TACR3: variants seen among roughly 807,000 people sequenced by gnomAD.
TACR3 encodes neuromedin-K receptor.
In TACR3, 34 loss-of-function variants were observed where a neutral mutation model predicts 35.0. The ratio of observed to expected loss-of-function variants is 0.97; its 90% CI spans 0.74 to 1.30. The LOEUF (loss-of-function observed/expected upper bound fraction) is 1.30. TACR3 is among the 50% of genes most tolerant of loss of function. TACR3 has a pLI of 0.00. For missense variants in TACR3, 558 were observed against 591.7 expected (o/e 0.94, Z 0.59); for synonymous variants, 233 against 221.1 (o/e 1.05, Z -0.48).
At chr4:103,634,633 G>A (rs974185920) in intron 3 of TACR3, among the ~76,000 whole-genome samples, 1 of 152,016 alleles carries the variant, frequency 6.6e-6, no homozygotes, top group Non-Finnish European at 1.5e-5. Flanking sequence ...CACCTTGCTG[G>A]ATTTTCCTAA....
intron 1 of TACR3, among the ~76,000 whole-genome samples, chr4:103,711,675 A>T (rs1180791997): frequency 6.6e-6 from 1 of 152,182 alleles, no homozygotes; most frequent in Non-Finnish European, 1.5e-5. Flanking sequence ...AATAAAGGGT[A>T]TTCAATTAGG....
At chr4:103,651,665 T>C (rs1725620979) in intron 3 of TACR3, among the ~76,000 whole-genome samples, 2 of 151,844 alleles carry the variant, frequency 1.3e-5, no homozygotes, top group South Asian at 4.1e-4. Flanking sequence ...AAGGTGTTTT[T>C]CCCTATAGCC....
intron 3 of TACR3, among the ~76,000 whole-genome samples, chr4:103,623,750 A>G (rs1044397625): frequency 6.6e-6 from 1 of 152,184 alleles, no homozygotes; most frequent in Non-Finnish European, 1.5e-5. Flanking sequence ...GCCTCACAGT[A>G]CTGGATTCAG....
intron 3 of TACR3, among the ~76,000 whole-genome samples, chr4:103,648,633 C>A (rs979373732): frequency 6.6e-6 from 1 of 152,080 alleles, no homozygotes; most frequent in Admixed American, 6.6e-5. Context: ...TCTTTTATGG[C>A]TGAAAAGTAC....
chr4:103,718,271 C>A (rs1371231250), intron 1 of TACR3, among the ~76,000 whole-genome samples: 1 of 152,168 alleles, frequency 6.6e-6, no homozygotes, highest in Non-Finnish European at 1.5e-5. Flanking sequence ...ATCCCCCATG[C>A]AACTGCCTTT....
chr4:103,638,435 T>C (rs1266019172), intron 3 of TACR3, among the ~76,000 whole-genome samples: 2 of 151,840 alleles, frequency 1.3e-5, no homozygotes, highest in East Asian at 3.9e-4. Flanking sequence ...ATACAAAAAT[T>C]AATTCAAGAT....
intron 1 of TACR3, among the ~76,000 whole-genome samples, chr4:103,711,611 C>T (rs1255553414): frequency 6.6e-6 from 1 of 152,144 alleles, no homozygotes; most frequent in Admixed American, 6.5e-5. Flanking sequence ...TCTCAACACT[C>T]CTATTCAACA....
chr4:103,680,210 A>G (rs975237834), intron 1 of TACR3, among the ~76,000 whole-genome samples: 14 of 151,598 alleles, frequency 9.2e-5, no homozygotes, highest in East Asian at 1.9e-4. Context: ...AAAAAAGCCC[A>G]TATGAGCTTG....
intron 1 of TACR3, among the ~76,000 whole-genome samples, chr4:103,701,223 A>G (rs1326828257): frequency 6.6e-5 from 10 of 151,712 alleles, no homozygotes; most frequent in South Asian, 2.1e-4. Context: ...AAATCAATGT[A>G]CAAAAATCAC....
intron 3 of TACR3, among the ~76,000 whole-genome samples, chr4:103,629,858 AAAC>A (rs1560814005): frequency 5.6e-4 from 65 of 115,692 alleles, no homozygotes; most frequent in Middle Eastern, 4.5e-3. Context: ...AACAAAAAAA[AAAC>A]AAAAAAAAAA....
chr4:103,632,033 C>T (rs923227311), intron 3 of TACR3, among the ~76,000 whole-genome samples: 3 of 152,084 alleles, frequency 2.0e-5, no homozygotes, highest in African/African-American at 7.2e-5. Flanking sequence ...ATGGTTATTA[C>T]ATAATGTTAT....
At chr4:103,678,492 A>G (rs1374777608) in intron 1 of TACR3, among the ~76,000 whole-genome samples, 2 of 152,140 alleles carry the variant, frequency 1.3e-5, no homozygotes, top group African/African-American at 2.4e-5. Flanking sequence ...TTTCTTTTTA[A>G]TTGTATTTTC....
In TACR3 at chr4:103,648,914, A is replaced by G. The variant is rs113224609; in HGVS notation, c.888+7280T>C. Among the ~76,000 whole-genome samples the G allele has an allele frequency of 3.3e-3, 498 of 152,188 alleles. 2 individuals carry two copies. Among genetic ancestry groups the G allele is most frequent in the Non-Finnish European group, 5.3e-3 (357 of 67,984 alleles). ...AATTTACATTCCCATCAACTGTATGAGAGTTTCCTTTCCTCCACATCCTTG... is the reference window on the plus strand; with the variant it reads ...AATTTACATTCCCATCAACTGTATGGGAGTTTCCTTTCCTCCACATCCTTG... On this transcript the variant is annotated intron_variant, in intron 3 of 4. Coordinates refer to ENST00000304883, the MANE Select transcript of TACR3 (RefSeq NM_001059.3).
intron 3 of TACR3, among the ~76,000 whole-genome samples, chr4:103,608,574 T>C (rs1200706964): frequency 6.6e-6 from 1 of 152,074 alleles, no homozygotes; most frequent in African/African-American, 2.4e-5. Context: ...TTATGGATGT[T>C]TTCATTGGTT....
intron 1 of TACR3, among the ~76,000 whole-genome samples, chr4:103,690,858 A>G (rs1722387721): frequency 6.6e-6 from 1 of 152,184 alleles, no homozygotes; most frequent in East Asian, 1.9e-4. Flanking sequence ...GGTATATAGA[A>G]TTATGTTGCA....
In TACR3 at chr4:103,719,485, G is replaced by T; in HGVS notation, c.191C>A (p.Ser64Tyr). 4 of 1,612,796 alleles carry T rather than the reference G, an allele frequency of 2.5e-6. No homozygotes were observed. Among genetic ancestry groups the T allele is most frequent in the Non-Finnish European group, 3.4e-6 (4 of 1,179,134 alleles). The change falls in exon 1 of 5, where the codon TCC becomes TAC. Residue 64 changes from serine (S) to tyrosine (Y), a missense_variant. Physicochemically the swap from Ser to Tyr is moderately radical, Grantham distance 144 (BLOSUM62 -2). Transcript: ENST00000304883. ...GGCCCAGGGCTGGGAGGGCGCGGGG[G>T]AAGCCACAGGCAGTCCCAGCGCGGA... ...SPSALGLPVA[S>Y]PAPSQPWANL...
intron 1 of TACR3, among the ~76,000 whole-genome samples, chr4:103,708,012 A>C (rs1722837752): frequency 6.6e-6 from 1 of 152,148 alleles, no homozygotes. Flanking sequence ...GGAAGCTTGA[A>C]CTGGGTGGAG....
chr4:103,643,429 AAGAGAG>A (rs138415563), intron 3 of TACR3, among the ~76,000 whole-genome samples: 40,548 of 148,604 alleles, frequency 0.27, 5,601 homozygotes, highest in Non-Finnish European at 0.31. Flanking sequence ...GTCTAAAAAA[AAGAGAG>A]AGAGAGAGAG....
intron 3 of TACR3, among the ~76,000 whole-genome samples, chr4:103,599,995 T>C (rs1724154267): frequency 6.6e-6 from 1 of 152,142 alleles, no homozygotes; most frequent in African/African-American, 2.4e-5. Flanking sequence ...GGATTCCCTC[T>C]TTTTCTATTG....
Sources: gnomAD v4.1 joint callset for allele counts (sites outside exome capture counted in the v4.1 genomes callset) on GRCh38, gnomAD v4.1.1 for gene constraint, MANE v1.5 for transcripts, NCBI Gene and HGNC (gene_info 2026-07-23, HGNC 2026-07-21) for gene names.